Variants in CPEB2 observed in about 807,000 individuals in gnomAD.
CPEB2 encodes cytoplasmic polyadenylation element-binding protein 2.
CPEB2 carries 56 observed loss-of-function variants against 93.6 expected under a neutral mutation model. The ratio of observed to expected loss-of-function variants is 0.60; its 90% CI spans 0.48 to 0.75. The LOEUF is 0.75. Ranked by LOEUF, CPEB2 falls within the 30% of genes least tolerant of loss-of-function variation. The pLI, the probability that CPEB2 is intolerant of heterozygous loss-of-function variation, is 0.00. For synonymous variants in CPEB2, 764 were observed against 586.3 expected (o/e 1.30, Z -4.38); for missense variants, 1,579 against 1,395.1 (o/e 1.13, Z -2.10).
chr4:15,055,309 T>G (rs1408383741), intron 8 of CPEB2, among the ~76,000 whole-genome samples: 1 of 152,170 alleles, frequency 6.6e-6, no homozygotes, highest in Non-Finnish European at 1.5e-5. Flanking sequence ...ATTAAAGCTA[T>G]CTACCTCTCT....
intron 8 of CPEB2, among the ~76,000 whole-genome samples, chr4:15,056,024 A>G (rs985470839): frequency 5.3e-5 from 8 of 152,194 alleles, no homozygotes; most frequent in African/African-American, 1.9e-4. Context: ...TTGCAGTATT[A>G]CATTTTTACA....
chr4:15,059,559 C>A (rs1729007561), intron 10 of CPEB2, among the ~76,000 whole-genome samples: 1 of 152,050 alleles, frequency 6.6e-6, no homozygotes, highest in African/African-American at 2.4e-5. Context: ...CTATAAGAAT[C>A]CACCTAAATA....
At chr4:15,032,084 A>G (rs1210355283) in intron 4 of CPEB2, among the ~76,000 whole-genome samples, 1 of 152,166 alleles carries the variant, frequency 6.6e-6, no homozygotes, top group Non-Finnish European at 1.5e-5. Flanking sequence ...CATTTTTCAA[A>G]TCAGTTAAAA....
intron 3 of CPEB2, among the ~76,000 whole-genome samples, chr4:15,014,749 C>G (rs1413891284): frequency 6.6e-6 from 1 of 151,920 alleles, no homozygotes; most frequent in Non-Finnish European, 1.5e-5. Context: ...TAACTATATT[C>G]TGTAATTAGA....
In CPEB2 at chr4:15,050,606, A is replaced by G. The variant is rs139934158; in HGVS notation, c.2201-1808A>G. ...AAACAGCTACCTTCACAGATCATGT[A>G]TGTCCTCAAAAACAACTGTTTATTA... On this transcript the variant is annotated intron_variant, in intron 6 of 11. Transcript: ENST00000538197. 2.7e-3 allele frequency among the ~76,000 whole-genome samples: 414 copies of G among 152,330 alleles called. 2 individuals are homozygous for G. The highest frequency in any genetic ancestry group is 4.6e-3 in the Non-Finnish European group (315 of 68,032).
At position 15,003,726 on chromosome 4, in the gene CPEB2, C is replaced by CGGCGGCGGCGGCGGCGGCGGG. The variant is rs532616578; in HGVS notation, c.1070_1071insCGGGGGCGGCGGCGGCGGCGG (p.Gly354_Gly360dup). On this transcript the variant is annotated inframe_insertion, in exon 1 of 12. Transcript: ENST00000538197. ...AGAGCCCGGACCTTCCACACCCGGG[C>CGGCGGCGGCGGCGGCGGCGGG]GGCGGCGGCGGCGGCGGGGGCGGGG... is the stretch of plus-strand genomic sequence containing the variant. 1.8e-6 allele frequency: 2 copies of CGGCGGCGGCGGCGGCGGCGGG among 1,110,128 alleles called. No individual in the cohort carries two copies. The highest frequency in any genetic ancestry group is 1.0e-4 in the East Asian group (2 of 19,708). The allele number at this position is 1,110,128 out of a possible 1,614,324, so 68.8% of individuals were successfully genotyped here.
intron 1 of CPEB2, among the ~76,000 whole-genome samples, chr4:15,004,658 C>T (rs1722539022): frequency 1.3e-5 from 2 of 151,728 alleles, no homozygotes; most frequent in South Asian, 2.1e-4. Flanking sequence ...CCGAATAGCG[C>T]CGGGGCCGCG....
chr4:15,053,064 T>A (rs1418007570), intron 7 of CPEB2, among the ~76,000 whole-genome samples: 2 of 151,990 alleles, frequency 1.3e-5, no homozygotes. Flanking sequence ...TCTTCCAGGC[T>A]GGAGTGCAGT....
Position 15,017,287 on chromosome 4 carries a change from CT to C in CPEB2, c.2125+14del. 1.3e-6 allele frequency: 2 copies of C among 1,487,546 alleles called. No individual in the cohort carries two copies. The highest frequency in any genetic ancestry group is 9.2e-7 in the Non-Finnish European group (1 of 1,084,240). 92.1% of individuals were successfully genotyped at this position (1,487,546 alleles called of 1,614,324 possible). A position where few individuals can be genotyped will look rare whatever the true frequency, so the allele number is the denominator to read the frequency against. On this transcript the variant is annotated intron_variant, in intron 4 of 11. Transcript: ENST00000538197. ...GCATGATCCTCTTAAGGGTAGGTGA[CT>C]TTTTAAAAAAATATATGTTTATATT...
chr4:15,002,614 G>A lies in CPEB2; in HGVS notation c.-60G>A, dbSNP rs1722097030. 7.3e-7 allele frequency: 1 copy of A among 1,374,630 alleles called. No homozygotes were observed. The highest frequency in any genetic ancestry group is 1.5e-5 in the African/African-American group (1 of 66,464). 85.2% of individuals were successfully genotyped at this position (1,374,630 alleles called of 1,614,324 possible). ...ACGGCCGCGCAACCCCAGCGCCGGC[G>A]GCTTCCTAGGTGGGGCAGGGGACGA... On this transcript the variant is annotated 5_prime_UTR_variant, in exon 1 of 12. Transcript: ENST00000538197.
intron 4 of CPEB2, among the ~76,000 whole-genome samples, chr4:15,030,699 A>G (rs1726002752): frequency 6.6e-6 from 1 of 152,108 alleles, no homozygotes; most frequent in South Asian, 2.1e-4. Context: ...ATTTTGGAGT[A>G]TGTTATTACT....
At chr4:15,058,363 A>T in intron 8 of CPEB2, 58 bp from the exon 9 acceptor site, 1 of 924,176 alleles carries the variant, frequency 1.1e-6, no homozygotes, top group South Asian at 1.4e-5. Context: ...ATAGTACTGA[A>T]ATTTGGAGTA....
intron 8 of CPEB2, among the ~76,000 whole-genome samples, chr4:15,056,600 C>G (rs1176764025): frequency 3.3e-5 from 5 of 152,082 alleles, no homozygotes; most frequent in African/African-American, 1.2e-4. Flanking sequence ...ATCCCCAAAC[C>G]TTGTTCTTTC....
chr4:15,012,568 A>ATGAGAT (rs752320194), intron 3 of CPEB2, among the ~76,000 whole-genome samples: 4 of 152,176 alleles, frequency 2.6e-5, no homozygotes, highest in Admixed American at 6.5e-5. Flanking sequence ...AAGAGAGCTT[A>ATGAGAT]TGAGATTGAG....
chr4:15,017,173 C>A lies in CPEB2; in HGVS notation c.2035-15C>A. 2.1e-6 allele frequency: 3 copies of A among 1,441,838 alleles called. No individual in the cohort carries two copies. The highest frequency in any genetic ancestry group is 2.9e-6 in the Non-Finnish European group (3 of 1,031,434). 89.3% of individuals were successfully genotyped at this position (1,441,838 alleles called of 1,614,324 possible). On this transcript the variant is annotated splice_polypyrimidine_tract_variant and intron_variant, in intron 3 of 11. Transcript: ENST00000538197. ...CTGCATAGATTATAATGTCTTTTTT[C>A]CTCTTCTCTTCCAGGATCGAAGTAG...
intron 5 of CPEB2, among the ~76,000 whole-genome samples, chr4:15,035,030 A>T (rs1300829223): frequency 6.6e-6 from 1 of 152,190 alleles, no homozygotes; most frequent in Non-Finnish European, 1.5e-5. Context: ...TGATTAAAGA[A>T]ATTGTATCTC....
intron 4 of CPEB2, among the ~76,000 whole-genome samples, chr4:15,018,545 G>A (rs1281795848): frequency 1.3e-5 from 2 of 150,518 alleles, no homozygotes; most frequent in Non-Finnish European, 3.0e-5. Context: ...TTTGTATAGG[G>A]TCTTGGTCTT....
intron 4 of CPEB2, among the ~76,000 whole-genome samples, chr4:15,031,687 A>G (rs1203215187): frequency 6.6e-6 from 1 of 152,216 alleles, no homozygotes; most frequent in Non-Finnish European, 1.5e-5. Flanking sequence ...AATATTCCAT[A>G]GTTAACTTAG....
intron 5 of CPEB2, among the ~76,000 whole-genome samples, chr4:15,039,207 T>C (rs1726928026): frequency 6.6e-6 from 1 of 152,208 alleles, no homozygotes; most frequent in Admixed American, 6.5e-5. Context: ...GGGTCTGATA[T>C]AAGCCTTATA....
Sources: allele counts gnomAD v4.1 joint callset (sites outside exome capture counted in the v4.1 genomes callset), GRCh38; gene constraint gnomAD v4.1.1; transcripts MANE v1.5; gene names NCBI Gene and HGNC (gene_info 2026-07-23, HGNC 2026-07-21).